The following TSPEAR variants were observed in gnomAD, a reference collection of about 807,000 sequenced individuals.
TSPEAR encodes the protein thrombospondin type laminin G domain and EAR repeats.
Under a neutral mutation model 71.6 loss-of-function variants are expected in TSPEAR, and 69 were observed. That is an observed-to-expected ratio of 0.96 (90% CI 0.79 to 1.18). The LOEUF (loss-of-function observed/expected upper bound fraction) is 1.18, where lower values mean the gene tolerates loss of function less well. TSPEAR is among the 50% of genes most tolerant of loss of function. The pLI, the probability that TSPEAR is intolerant of heterozygous loss-of-function variation, is 0.00. For synonymous variants in TSPEAR, 402 were observed against 387.2 expected, an observed-to-expected ratio of 1.04 and a Z score of -0.45; for missense variants, 971 against 894.9, an observed-to-expected ratio of 1.09 and a Z score of -1.09.
At chr21:44,597,275 A>G (rs1980423001) in intron 1 of TSPEAR, among the ~76,000 whole-genome samples, 1 of 151,980 alleles carries the variant, frequency 6.6e-6, no homozygotes, top group Admixed American at 6.5e-5. Flanking sequence ...TGACTCTTTT[A>G]GCTTTATACA....
intron 2 of TSPEAR, among the ~76,000 whole-genome samples, chr21:44,545,101 C>A (rs2146016865): frequency 6.6e-6 from 1 of 151,650 alleles, no homozygotes; most frequent in Non-Finnish European, 1.5e-5. Flanking sequence ...GGGAGGATCA[C>A]AAGGTCAGGA....
At chr21:44,590,730 G>A (rs1472903184) in intron 1 of TSPEAR, among the ~76,000 whole-genome samples, 1 of 152,120 alleles carries the variant, frequency 6.6e-6, no homozygotes, top group Non-Finnish European at 1.5e-5. Flanking sequence ...GTCCTGGGGG[G>A]CAGCCATGAG....
chr21:44,510,701 T>TGGGCTGC (rs1232479093), intron 9 of TSPEAR: 41 of 152,392 alleles, frequency 2.7e-4, no homozygotes, highest in African/African-American at 9.9e-4. Context: ...CCGGAGAGCC[T>TGGGCTGC]GGGCTGCAGG....
At chr21:44,660,187 G>A (rs781826227) in intron 1 of TSPEAR, among the ~76,000 whole-genome samples, 4 of 152,076 alleles carry the variant, frequency 2.6e-5, no homozygotes, top group Non-Finnish European at 5.9e-5. Flanking sequence ...AGAAAGAGAG[G>A]GCAGGGCAGA....
chr21:44,698,377 G>A (rs1339855735), intron 1 of TSPEAR, among the ~76,000 whole-genome samples: 3 of 152,210 alleles, frequency 2.0e-5, no homozygotes, highest in Non-Finnish European at 2.9e-5. Context: ...CTCGCGCCCA[G>A]TCTCAGCCCT....
At chr21:44,569,329 G>A (rs923580846) in intron 1 of TSPEAR, among the ~76,000 whole-genome samples, 2 of 152,138 alleles carry the variant, frequency 1.3e-5, no homozygotes, top group East Asian at 1.9e-4. Context: ...ACGTCCGCAA[G>A]TGTGCACACA....
At chr21:44,690,603 C>T in intron 1 of TSPEAR, 1 of 985,410 alleles carries the variant, frequency 1.0e-6, no homozygotes, top group Non-Finnish European at 1.2e-6. Flanking sequence ...CAAAGATGAG[C>T]ATGCTGTAAA....
chr21:44,528,819 G>A (rs587602557), intron 5 of TSPEAR, among the ~76,000 whole-genome samples: 4 of 152,326 alleles, frequency 2.6e-5, no homozygotes, highest in African/African-American at 9.6e-5. Flanking sequence ...CCCACCCTCT[G>A]TCCACTCTGA....
intron 2 of TSPEAR, among the ~76,000 whole-genome samples, chr21:44,553,511 G>A (rs1456037513): frequency 6.6e-6 from 1 of 151,842 alleles, no homozygotes; most frequent in African/African-American, 2.4e-5. Context: ...CCGAGGTAAA[G>A]GATAAAATTC....
chr21:44,507,945 C>T (rs1193403815), intron 10 of TSPEAR: 1 of 152,204 alleles, frequency 6.6e-6, no homozygotes, highest in Non-Finnish European at 1.5e-5. Context: ...CCGCCGCTGG[C>T]TCTTTTTCTT....
chr21:44,541,804 G>A (rs976200716), intron 2 of TSPEAR, among the ~76,000 whole-genome samples: 6 of 152,214 alleles, frequency 3.9e-5, no homozygotes, highest in African/African-American at 7.2e-5. Flanking sequence ...AAATAAACTC[G>A]CACTGAACTC....
chr21:44,518,748 G>A (rs1159504100), intron 9 of TSPEAR: 2 of 465,606 alleles, frequency 4.3e-6, no homozygotes, highest in East Asian at 1.4e-4. Context: ...CTCAAGTCCT[G>A]CAACTATTCC....
chr21:44,665,828 G>T (rs73233088), intron 1 of TSPEAR, among the ~76,000 whole-genome samples: 5,797 of 152,276 alleles, frequency 0.038, 126 homozygotes, highest in Middle Eastern at 0.085. Flanking sequence ...GAGATCCTCC[G>T]CGACCTGGGA....
At chr21:44,563,116 A>G (rs1164695524) in intron 2 of TSPEAR, among the ~76,000 whole-genome samples, 1 of 152,150 alleles carries the variant, frequency 6.6e-6, no homozygotes, top group Non-Finnish European at 1.5e-5. Context: ...ACAAAGCTAT[A>G]TCGTGCAAAG....
chr21:44,574,864 G>A (rs782332029), intron 1 of TSPEAR: 8 of 1,613,040 alleles, frequency 5.0e-6, no homozygotes, highest in Non-Finnish European at 6.8e-6. Flanking sequence ...CGCCCCGTGT[G>A]CAGGCCCGCC....
chr21:44,612,775 C>G lies in TSPEAR; in HGVS notation c.83-44770G>C. The G allele has an allele frequency of 6.2e-7, 1 of 1,613,682 alleles. No homozygotes were observed. Among genetic ancestry groups the G allele is most frequent in the Non-Finnish European group, 8.5e-7 (1 of 1,179,964 alleles). ...GCCGGCCTGCCTGCTGTGTGCCTGT[C>G]CCCTCCTGTTGTGTCCCTGCCTCCT... On this transcript the variant is annotated intron_variant, in intron 1 of 11. Coordinates refer to ENST00000323084, the MANE Select transcript of TSPEAR (RefSeq NM_144991.3). The surrounding 1 kb of genome is among the most constrained non-coding windows in gnomAD (Gnocchi z 4.1).
intron 1 of TSPEAR, among the ~76,000 whole-genome samples, chr21:44,648,672 C>T (rs1555940771): frequency 1.3e-5 from 2 of 152,230 alleles, no homozygotes; most frequent in Non-Finnish European, 2.9e-5. Flanking sequence ...AGCCGCTGTG[C>T]AGCCAGCGGG....
intron 1 of TSPEAR, among the ~76,000 whole-genome samples, chr21:44,708,003 G>A (rs1185226835): frequency 2.9e-4 from 8 of 27,148 alleles, no homozygotes; most frequent in East Asian, 1.2e-3. Context: ...CCCGCCCCGC[G>A]CGTGCACACA....
At chr21:44,502,191 C>T (rs935261547) in intron 11 of TSPEAR, among the ~76,000 whole-genome samples, 2 of 152,188 alleles carry the variant, frequency 1.3e-5, no homozygotes, top group Admixed American at 6.5e-5. Flanking sequence ...AGCCCTGGCC[C>T]GGATGGCCCA....
Sources: allele counts gnomAD v4.1 joint callset (sites outside exome capture counted in the v4.1 genomes callset), GRCh38; gene constraint gnomAD v4.1.1; non-coding constraint Gnocchi (gnomAD v3.1); transcripts MANE v1.5; gene names NCBI Gene and HGNC (gene_info 2026-07-23, HGNC 2026-07-21).